Variants in CCDC112 observed in about 807,000 individuals in gnomAD.
CCDC112 encodes coiled-coil domain-containing protein 112.
CCDC112 carries 40 observed loss-of-function variants against 66.3 expected under a neutral mutation model. The ratio of observed to expected loss-of-function variants is 0.60; its 90% CI spans 0.47 to 0.79. The LOEUF (loss-of-function observed/expected upper bound fraction) is 0.79, where lower values mean the gene tolerates loss of function less well. Among genes scored for constraint, CCDC112 ranks in the 30% least tolerant of loss-of-function variants. CCDC112 has a pLI of 0.00. For missense variants in CCDC112, 659 were observed against 603.8 expected (o/e 1.09, Z -0.96); for synonymous variants, 214 against 197.2 (o/e 1.09, Z -0.71).
intron 8 of CCDC112, among the ~76,000 whole-genome samples, 176 bp from the exon 9 acceptor site, chr5:115,269,176 C>T (rs371823028): frequency 1.8e-4 from 28 of 152,156 alleles, no homozygotes; most frequent in Non-Finnish European, 3.7e-4. Context: ...ATTTAGACTA[C>T]ATCAATCTAT....
intron 5 of CCDC112, 111 bp downstream of exon 5, chr5:115,275,883 A>G (rs1214700535): frequency 2.5e-6 from 2 of 803,562 alleles, no homozygotes; most frequent in Non-Finnish European, 3.9e-6. Flanking sequence ...TTGCTTTTGT[A>G]TAAGACTCAA....
At chr5:115,295,483 T>C (rs921227671) in intron 1 of CCDC112, among the ~76,000 whole-genome samples, 7 of 152,192 alleles carry the variant, frequency 4.6e-5, no homozygotes, top group South Asian at 2.1e-4. Flanking sequence ...TAGGTGGAAT[T>C]TCCTGAAGGT....
chr5:115,274,463 T>G (rs1749121764), intron 6 of CCDC112, among the ~76,000 whole-genome samples: 1 of 152,190 alleles, frequency 6.6e-6, no homozygotes, highest in South Asian at 2.1e-4. Context: ...AGCAATATGG[T>G]TGAAGTTTAA....
Position 115,275,286 on chromosome 5 carries a change from G to A in CCDC112, c.848C>T (p.Thr283Ile), listed in dbSNP as rs769746688. ...TTCATGCTGTTGAACTTCATCTTGT[G>A]TTTTTCCAGGAAGGTGTTCTAGAAC... is the stretch of plus-strand genomic sequence containing the variant. ...EEVLEHLPGK[T>I]QDEVQQHEKW... The change falls in exon 6 of 10, where the codon ACA (threonine) becomes ATA (isoleucine). Residue 283 changes from threonine (T) to isoleucine (I), a missense_variant. Coordinates refer to ENST00000379611, the MANE Select transcript of CCDC112 (RefSeq NM_001040440.3). 1 of 1,613,876 alleles carries A rather than the reference G, an allele frequency of 6.2e-7. No individual in the cohort carries two copies. The highest frequency in any genetic ancestry group is 8.5e-7 in the Non-Finnish European group (1 of 1,179,938).
At chr5:115,275,883 A>C (rs1214700535) in intron 5 of CCDC112, 111 bp downstream of exon 5, 1 of 803,562 alleles carries the variant, frequency 1.2e-6, no homozygotes, top group Non-Finnish European at 2.0e-6. Flanking sequence ...TTGCTTTTGT[A>C]TAAGACTCAA....
In CCDC112 at chr5:115,277,094, C is replaced by G. The variant is rs769990914; in HGVS notation, c.362-40G>C. The G allele has an allele frequency of 1.7e-6, 2 of 1,210,632 alleles. No homozygotes were observed. Among genetic ancestry groups the G allele is most frequent in the East Asian group, 4.7e-5 (2 of 42,790 alleles). 75.0% of individuals were successfully genotyped at this position (1,210,632 alleles called of 1,614,324 possible). On this transcript the variant is annotated intron_variant, in intron 3 of 9. Transcript: ENST00000379611. ...TATGCACTTTAAAATAATTCTGTGA[C>G]AAATGTGGTTACAATTCAGGAATCT...
At chr5:115,293,655 G>A (rs913369052) in intron 1 of CCDC112, among the ~76,000 whole-genome samples, 4 of 151,900 alleles carry the variant, frequency 2.6e-5, no homozygotes, top group Non-Finnish European at 2.9e-5. Context: ...ATCTTCCTGC[G>A]ACTCTCTTAT....
At chr5:115,286,292 C>A (rs1356652232) in intron 1 of CCDC112, among the ~76,000 whole-genome samples, 3 of 152,184 alleles carry the variant, frequency 2.0e-5, no homozygotes. Context: ...TAAATGGGCT[C>A]ATACAATGTG....
At chr5:115,276,112 T>C (rs1463847548) in intron 4 of CCDC112, 43 bp from the exon 5 acceptor site, 2 of 1,388,088 alleles carry the variant, frequency 1.4e-6, no homozygotes, top group African/African-American at 1.4e-5. Context: ...CATTTTCCCA[T>C]ATGGCTAAAA....
chr5:115,274,501 A>G (rs956280382), intron 6 of CCDC112, among the ~76,000 whole-genome samples: 3 of 152,190 alleles, frequency 2.0e-5, no homozygotes, highest in African/African-American at 4.8e-5. Flanking sequence ...TTACTAGTCA[A>G]AGCATTTTTT....
intron 1 of CCDC112, among the ~76,000 whole-genome samples, chr5:115,286,075 T>A (rs536246442): frequency 6.6e-6 from 1 of 152,228 alleles, no homozygotes; most frequent in Non-Finnish European, 1.5e-5. Flanking sequence ...AAAATATGTC[T>A]GTTTGAAGTG....
chr5:115,267,303 T>C lies in CCDC112; in HGVS notation c.*573A>G, dbSNP rs1387368395. ...TATCAATAATACAATTAATAGGGTA[T>C]ATGAGAGACATATTTTTAAAATAAA... On this transcript the variant is annotated 3_prime_UTR_variant, in exon 10 of 10. Transcript: ENST00000379611. 1.3e-5 allele frequency: 2 copies of C among 152,684 alleles called. No homozygotes were observed. Among genetic ancestry groups the C allele is most frequent in the Non-Finnish European group, 1.5e-5 (1 of 68,434 alleles). The allele number at this position is 152,684 out of a possible 1,614,324, so 9.5% of individuals were successfully genotyped here. A position where few individuals can be genotyped will look rare whatever the true frequency, so the allele number is the denominator to read the frequency against.
In CCDC112 at chr5:115,279,905, T is replaced by C. The variant is rs1749379447; in HGVS notation, c.240-137A>G. 8 of 564,322 alleles carry C rather than the reference T, an allele frequency of 1.4e-5. No homozygotes were observed. The South Asian group carries it at 2.1e-4, about 15-fold the overall frequency. The allele number at this position is 564,322 out of a possible 1,614,324, so 35.0% of individuals were successfully genotyped here. ...GAATAAAAATAATTACTTTGGTTAA[T>C]AAGGCTAAGGAATCAAAACATTAGT... On this transcript the variant is annotated intron_variant, in intron 2 of 9. Coordinates refer to ENST00000379611, the MANE Select transcript of CCDC112 (RefSeq NM_001040440.3).
At chr5:115,275,157 T>G in intron 6 of CCDC112, 59 bp downstream of exon 6, 1 of 1,296,990 alleles carries the variant, frequency 7.7e-7, no homozygotes, top group Non-Finnish European at 1.1e-6. Flanking sequence ...TGTTAAGTGT[T>G]TAGTACAGTG....
intron 6 of CCDC112, 76 bp from the exon 7 acceptor site, chr5:115,271,702 A>T (rs1749008657): frequency 2.2e-6 from 2 of 924,988 alleles, no homozygotes; most frequent in Admixed American, 6.0e-5. Flanking sequence ...AAATACATCA[A>T]TTCCATCTTT....
intron 1 of CCDC112, 145 bp downstream of exon 1, chr5:115,296,282 A>G: frequency 7.6e-7 from 1 of 1,322,396 alleles, no homozygotes; most frequent in South Asian, 2.0e-5. Context: ...CAAGCCAACA[A>G]AGAGCAACGC....
Position 115,271,508 on chromosome 5 carries a change from TG to T in CCDC112, c.1036del (p.Gln346LysfsTer22). The part of the protein sequence containing the change: ...FHNKQEDNQK[Q>X]KEEQRKKQKL... ...CTGTTTCTTTCTTTGTTCCTCTTTT[TG>T]CTTTTGATTATCCTCTTGTTTATTA... On this transcript the variant is annotated frameshift_variant, in exon 7 of 10. Coordinates refer to ENST00000379611, the MANE Select transcript of CCDC112 (RefSeq NM_001040440.3). LOFTEE classifies it high-confidence loss of function. 1 of 1,613,358 alleles carries T rather than the reference TG, an allele frequency of 6.2e-7. No individual in the cohort carries two copies. The highest frequency in any genetic ancestry group is 8.5e-7 in the Non-Finnish European group (1 of 1,179,852).
chr5:115,290,384 G>A (rs1749871991), intron 1 of CCDC112, among the ~76,000 whole-genome samples: 1 of 152,148 alleles, frequency 6.6e-6, no homozygotes, highest in Admixed American at 6.5e-5. Context: ...TGGCTTTGAA[G>A]TTAAATTCTG....
At chr5:115,284,399 C>A (rs1749588286) in intron 2 of CCDC112, among the ~76,000 whole-genome samples, 1 of 152,118 alleles carries the variant, frequency 6.6e-6, no homozygotes, top group Non-Finnish European at 1.5e-5. Flanking sequence ...CATTATAAAA[C>A]ACTTTCATAT....
Sources: allele counts gnomAD v4.1 joint callset (sites outside exome capture counted in the v4.1 genomes callset), GRCh38; gene constraint gnomAD v4.1.1; transcripts MANE v1.5; gene names NCBI Gene and HGNC (gene_info 2026-07-23, HGNC 2026-07-21).